The following CACUL1 variants were observed in gnomAD, a reference collection of about 807,000 sequenced individuals.
CACUL1 encodes CDK2-associated and cullin domain-containing protein 1.
Under a neutral mutation model 45.2 loss-of-function variants are expected in CACUL1, and 13 were observed. The ratio of observed to expected loss-of-function variants is 0.29; its 90% CI spans 0.19 to 0.46. The LOEUF (loss-of-function observed/expected upper bound fraction) is 0.46. Among genes scored for constraint, CACUL1 ranks in the 20% least tolerant of loss-of-function variants. CACUL1 has a pLI of 1.00. For synonymous variants in CACUL1, 197 were observed against 174.2 expected (o/e 1.13, Z -1.03); for missense variants, 421 against 471.4 (o/e 0.89, Z 0.99).
In CACUL1 at chr10:118,754,479, T is replaced by C; in HGVS notation, c.284A>G (p.Asp95Gly). ...NGVIMMLKSC[D>G]AAAAVAKAAP... ...CGCCTTGGCCACGGCGGCGGCCGCG[T>C]CGCAGCTCTTCAACATCATGATCAC... is the stretch of plus-strand genomic sequence containing the variant. The change falls in exon 1 of 9, where the codon GAC becomes GGC. Residue 95 changes from aspartate (D) to glycine (G), a missense_variant. Coordinates refer to ENST00000369151, the MANE Select transcript of CACUL1 (RefSeq NM_153810.5). The C allele has an allele frequency of 1.2e-6, 2 of 1,611,208 alleles. No homozygotes were observed. The highest frequency in any genetic ancestry group is 1.7e-6 in the Non-Finnish European group (2 of 1,178,878).
chr10:118,696,857 C>T (rs1318827618), intron 5 of CACUL1, among the ~76,000 whole-genome samples: 1 of 152,212 alleles, frequency 6.6e-6, no homozygotes, highest in Non-Finnish European at 1.5e-5. Flanking sequence ...CTAACCTTTT[C>T]ACCATTTTGG....
chr10:118,748,422 C>A (rs1216366644), intron 1 of CACUL1, among the ~76,000 whole-genome samples: 1 of 152,118 alleles, frequency 6.6e-6, no homozygotes, highest in East Asian at 1.9e-4. Context: ...GTATGTCACC[C>A]TCTTGGGACT....
chr10:118,753,632 G>A (rs897308881), intron 1 of CACUL1, among the ~76,000 whole-genome samples: 1 of 152,166 alleles, frequency 6.6e-6, no homozygotes, highest in African/African-American at 2.4e-5. Context: ...ACAGATTTTG[G>A]TCTTAAATCT....
intron 5 of CACUL1, among the ~76,000 whole-genome samples, chr10:118,696,136 G>A (rs1845319604): frequency 6.6e-6 from 1 of 152,090 alleles, no homozygotes; most frequent in South Asian, 2.1e-4. Flanking sequence ...GAATATATAT[G>A]ATGGCCATCA....
chr10:118,691,172 A>G, intron 7 of CACUL1, 93 bp downstream of exon 7: 2 of 1,118,190 alleles, frequency 1.8e-6, no homozygotes, highest in Non-Finnish European at 2.6e-6. Flanking sequence ...GTTACCTCCC[A>G]TTCTCAGAAC....
intron 7 of CACUL1, 133 bp downstream of exon 7, chr10:118,691,132 G>A (rs750640002): frequency 5.7e-5 from 42 of 733,584 alleles, no homozygotes; most frequent in Non-Finnish European, 7.9e-5. Flanking sequence ...AGGAGCTAAT[G>A]TCTTCTTGCA....
Position 118,676,534 on chromosome 10 carries a change from TAATG to T in CACUL1, c.*9590_*9593del, listed in dbSNP as rs1438226439. 2.0e-5 allele frequency: 3 copies of T among 152,318 alleles called. No individual in the cohort carries two copies. Among genetic ancestry groups the T allele is most frequent in the African/African-American group, 7.2e-5 (3 of 41,568 alleles). 9.4% of individuals were successfully genotyped at this position (152,318 alleles called of 1,614,324 possible). Reference sequence around the variant, plus strand: ...CATATTTGGATCCACAGATCTTAATTAATGAAGTGACTTATTCAGCTACAATAGT... The same window carrying T: ...CATATTTGGATCCACAGATCTTAATTAAGTGACTTATTCAGCTACAATAGT... On this transcript the variant is annotated 3_prime_UTR_variant, in exon 9 of 9. Coordinates refer to ENST00000369151, the MANE Select transcript of CACUL1 (RefSeq NM_153810.5).
At chr10:118,717,485 T>C (rs1384789699) in intron 3 of CACUL1, among the ~76,000 whole-genome samples, 4 of 152,168 alleles carry the variant, frequency 2.6e-5, no homozygotes, top group Non-Finnish European at 4.4e-5. Flanking sequence ...CCCACTCTTA[T>C]GGTAAGAAAA....
chr10:118,725,808 T>C (rs978844664), intron 3 of CACUL1, among the ~76,000 whole-genome samples: 1 of 152,244 alleles, frequency 6.6e-6, no homozygotes. Context: ...CTAAAATCTC[T>C]AAAAACCATG....
Position 118,678,185 on chromosome 10 carries a change from T to C in CACUL1, c.*7943A>G, listed in dbSNP as rs1421750265. ...GAGTTGTTTTCATTGCTGATTTGCATTCAGGTGCTCTTTAGCAGTTATATT... is the reference window on the plus strand; with the variant it reads ...GAGTTGTTTTCATTGCTGATTTGCACTCAGGTGCTCTTTAGCAGTTATATT... On this transcript the variant is annotated 3_prime_UTR_variant, in exon 9 of 9. Transcript: ENST00000369151. 6.6e-6 allele frequency: 1 copy of C among 152,220 alleles called. No homozygotes were observed. The highest frequency in any genetic ancestry group is 1.5e-5 in the Non-Finnish European group (1 of 68,040). 9.4% of individuals were successfully genotyped at this position (152,220 alleles called of 1,614,324 possible).
intron 3 of CACUL1, among the ~76,000 whole-genome samples, chr10:118,716,989 A>G (rs1367674973): frequency 6.6e-6 from 1 of 152,232 alleles, no homozygotes; most frequent in Non-Finnish European, 1.5e-5. Flanking sequence ...TCCATACGCC[A>G]GTGGACCTCA....
Position 118,678,097 on chromosome 10 carries a change from A to G in CACUL1, c.*8031T>C, listed in dbSNP as rs1432077674. ...CTAATGAGGCTGAACATCTTTTCAC[A>G]TTTATGGGCCATTTCTGTTTCTTCT... On this transcript the variant is annotated 3_prime_UTR_variant, in exon 9 of 9. Coordinates refer to ENST00000369151, the MANE Select transcript of CACUL1 (RefSeq NM_153810.5). 6.6e-5 allele frequency: 10 copies of G among 152,120 alleles called. No homozygotes were observed. The allele number at this position is 152,120 out of a possible 1,614,324, so 9.4% of individuals were successfully genotyped here.
intron 5 of CACUL1, among the ~76,000 whole-genome samples, chr10:118,696,690 T>C (rs1487673966): frequency 1.3e-5 from 2 of 152,350 alleles, no homozygotes; most frequent in South Asian, 2.1e-4. Context: ...TTCAAAGCCA[T>C]ACTAGGCCGC....
In CACUL1 at chr10:118,707,594, G is replaced by C; in HGVS notation, c.598-7C>G. On this transcript the variant is annotated splice_region_variant and splice_polypyrimidine_tract_variant and intron_variant, in intron 3 of 8. Coordinates refer to ENST00000369151, the MANE Select transcript of CACUL1 (RefSeq NM_153810.5). ...AGAGATCTGGAGGGCTGGCCTGTGA[G>C]AAAGAACAGAAGTGTGATCAATCTG... 1 of 1,362,766 alleles carries C rather than the reference G, an allele frequency of 7.3e-7. No homozygotes were observed. 84.4% of individuals were successfully genotyped at this position (1,362,766 alleles called of 1,614,324 possible). A position where few individuals can be genotyped will look rare whatever the true frequency, so the allele number is the denominator to read the frequency against.
At chr10:118,700,510 G>A (rs1196490730) in intron 5 of CACUL1, among the ~76,000 whole-genome samples, 2 of 152,128 alleles carry the variant, frequency 1.3e-5, no homozygotes, top group African/African-American at 4.8e-5. Context: ...GAGGTCAAAA[G>A]ATTGAGACCA....
intron 3 of CACUL1, among the ~76,000 whole-genome samples, chr10:118,709,250 G>A (rs2119595453): frequency 6.6e-6 from 1 of 152,218 alleles, no homozygotes; most frequent in African/African-American, 2.4e-5. Context: ...TCAGGGGTGG[G>A]AGAAAATCCG....
At chr10:118,736,602 C>G (rs753651574) in intron 1 of CACUL1, among the ~76,000 whole-genome samples, 2 of 152,006 alleles carry the variant, frequency 1.3e-5, no homozygotes, top group African/African-American at 4.8e-5. Context: ...CTTGGCCTCC[C>G]GAAGTGCTGG....
At position 118,729,311 on chromosome 10, in the gene CACUL1, ACTCT is replaced by A. The variant is rs995122409; in HGVS notation, c.577_580del (p.Arg193SerfsTer19). Reference sequence around the variant, plus strand: ...GTTCTTTACCTGCAGCTCCTTTGAGACTCTCTCTAAGTGATTAGTTATCTTTTTA... The same window carrying A: ...GTTCTTTACCTGCAGCTCCTTTGAGACTCTAAGTGATTAGTTATCTTTTTA... On this transcript the variant is annotated frameshift_variant, in exon 3 of 9. Coordinates refer to ENST00000369151, the MANE Select transcript of CACUL1 (RefSeq NM_153810.5). LOFTEE classifies it high-confidence loss of function. The A allele has an allele frequency of 1.9e-6, 3 of 1,612,468 alleles. No individual in the cohort carries two copies. Among genetic ancestry groups the A allele is most frequent in the Non-Finnish European group, 2.5e-6 (3 of 1,179,234 alleles).
chr10:118,741,973 C>G (rs537531858), intron 1 of CACUL1, among the ~76,000 whole-genome samples: 2 of 152,210 alleles, frequency 1.3e-5, no homozygotes, highest in Non-Finnish European at 2.9e-5. Flanking sequence ...ATCCCCACCC[C>G]CTATCCTCCT....
Sources: allele counts gnomAD v4.1 joint callset (sites outside exome capture counted in the v4.1 genomes callset), GRCh38; gene constraint gnomAD v4.1.1; transcripts MANE v1.5; gene names NCBI Gene and HGNC (gene_info 2026-07-23, HGNC 2026-07-21).